WDR11: variants seen among roughly 807,000 people sequenced by gnomAD.
The protein encoded by WDR11 is WD repeat-containing protein 11.
WDR11 carries 83 observed loss-of-function variants against 151.2 expected under a neutral mutation model. That is an observed-to-expected ratio of 0.55 (90% CI 0.46 to 0.66). WDR11 has a LOEUF of 0.66. Ranked by LOEUF, WDR11 falls within the 30% of genes least tolerant of loss-of-function variation. The pLI is 0.00. For synonymous variants in WDR11, 484 were observed against 533.1 expected (o/e 0.91, Z 1.27); for missense variants, 1,301 against 1,480.9 (o/e 0.88, Z 1.99).
intron 5 of WDR11, 38 bp from the exon 6 acceptor site, chr10:120,865,009 T>A (rs1846263374): frequency 6.2e-7 from 1 of 1,606,044 alleles, no homozygotes; most frequent in African/African-American, 1.3e-5. Context: ...CTGATATAAA[T>A]GAAGTCTTTG....
chr10:120,866,539 T>C (rs1467838347), intron 7 of WDR11, 30 bp from the exon 8 acceptor site: 2 of 1,613,556 alleles, frequency 1.2e-6, no homozygotes, highest in Non-Finnish European at 1.7e-6. Flanking sequence ...TATGGCTGCT[T>C]TCTGATATTT....
At chr10:120,852,754 C>A in intron 2 of WDR11, 119 bp downstream of exon 2, 1 of 860,570 alleles carries the variant, frequency 1.2e-6, no homozygotes, top group Non-Finnish European at 1.9e-6. Flanking sequence ...AATATAACAA[C>A]CTATTTGGGG....
At position 120,905,475 on chromosome 10, in the gene WDR11, T is replaced by C. The variant is rs1848003040; in HGVS notation, c.3291+59T>C. ...ACATTCGGGATAGAAAGCTCAGTCCTGAACTTTGGACTTATGACTTAGAAA... is the reference window on the plus strand; with the variant it reads ...ACATTCGGGATAGAAAGCTCAGTCCCGAACTTTGGACTTATGACTTAGAAA... On this transcript the variant is annotated intron_variant, in intron 26 of 28. Transcript: ENST00000263461. The C allele has an allele frequency of 5.7e-6, 9 of 1,574,062 alleles. No homozygotes were observed. The African/African-American group carries it at 6.7e-5, about 12-fold the overall frequency.
chr10:120,863,513 A>T (rs1846208931), intron 5 of WDR11, among the ~76,000 whole-genome samples: 1 of 152,248 alleles, frequency 6.6e-6, no homozygotes, highest in South Asian at 2.1e-4. Context: ...TAAGTAAAGC[A>T]TGTAATGTCA....
rs536326945 is a variant in WDR11, at chr10:120,873,821, A to C, written c.1472-18A>C. ...ACTCCCACTGAATTAATGCTCTTCC[A>C]TGATGTCATTTTGAAAGGTACAAGT... On this transcript the variant is annotated intron_variant, in intron 10 of 28. Coordinates refer to ENST00000263461, the MANE Select transcript of WDR11 (RefSeq NM_018117.12). 2.9e-4 allele frequency: 455 copies of C among 1,577,666 alleles called. 6 individuals carry two copies. The South Asian group carries it at 4.8e-3, about 17-fold the overall frequency.
chr10:120,858,437 A>G (rs1416786707), intron 2 of WDR11, among the ~76,000 whole-genome samples: 2 of 152,242 alleles, frequency 1.3e-5, no homozygotes, highest in Non-Finnish European at 2.9e-5. Context: ...GATGTGTCAA[A>G]GAAAACAATT....
At chr10:120,877,479 C>T (rs371740391) in intron 11 of WDR11, among the ~76,000 whole-genome samples, 2 of 152,078 alleles carry the variant, frequency 1.3e-5, no homozygotes, top group East Asian at 3.9e-4. Context: ...ATTAGCTGGG[C>T]GTGGTAGCAT....
intron 6 of WDR11, 132 bp downstream of exon 6, chr10:120,865,344 A>T: frequency 2.1e-6 from 2 of 959,168 alleles, no homozygotes; most frequent in South Asian, 1.6e-5. Flanking sequence ...GACTAGCAAC[A>T]CTATTTTAGA....
intron 6 of WDR11, 84 bp downstream of exon 6, chr10:120,865,296 T>G: frequency 7.5e-7 from 1 of 1,336,104 alleles, no homozygotes; most frequent in Non-Finnish European, 1.1e-6. Flanking sequence ...ATAAGTCTTG[T>G]CTTCAGTTCT....
At chr10:120,883,751 G>T in intron 13 of WDR11, 29 bp from the exon 14 acceptor site, 1 of 1,606,920 alleles carries the variant, frequency 6.2e-7, no homozygotes, top group Non-Finnish European at 8.5e-7. Flanking sequence ...TGCAAAAAGG[G>T]GCTTATTTAG....
rs57320335 is a variant in WDR11, at chr10:120,874,198, TG to T, written c.1556+276del. On this transcript the variant is annotated intron_variant, in intron 11 of 28. Coordinates refer to ENST00000263461, the MANE Select transcript of WDR11 (RefSeq NM_018117.12). ...GCAGTTTTTTTTTTTTTTTTGTTGT[TG>T]TTGTTGTTGTTTGTTTTGTTTTGTT... 2.3e-3 allele frequency among the ~76,000 whole-genome samples: 224 copies of T among 98,356 alleles called. 3 individuals are homozygous for T. Among genetic ancestry groups the T allele is most frequent in the Middle Eastern group, 5.5e-3 (1 of 182 alleles). The allele number at this position is 98,356 out of a possible 152,430, so 64.5% of individuals were successfully genotyped here.
intron 17 of WDR11, 21 bp from the exon 18 acceptor site, chr10:120,889,873 GT>G (rs1242632922): frequency 3.9e-6 from 6 of 1,530,336 alleles, no homozygotes; most frequent in South Asian, 2.2e-5. Context: ...TTGTATTGAT[GT>G]TTTTGTTTCT....
chr10:120,893,867 T>G lies in WDR11; in HGVS notation c.2515+2980T>G, dbSNP rs530046468. Among the ~76,000 whole-genome samples, 34 of 151,490 alleles carry G rather than the reference T, an allele frequency of 2.2e-4. No homozygotes were observed. The East Asian group carries it at 6.4e-3, about 29-fold the overall frequency. On this transcript the variant is annotated intron_variant, in intron 19 of 28. Coordinates refer to ENST00000263461, the MANE Select transcript of WDR11 (RefSeq NM_018117.12). Reference sequence around the variant, plus strand: ...GCCCACTTTTTGATGGGGTTGTTTGTTTTTTTCTTGTAAATTTGTTTGAGT... The same window carrying G: ...GCCCACTTTTTGATGGGGTTGTTTGGTTTTTTCTTGTAAATTTGTTTGAGT...
chr10:120,901,884 C>A (rs2133810892), intron 21 of WDR11, among the ~76,000 whole-genome samples: 1 of 152,294 alleles, frequency 6.6e-6, no homozygotes, highest in East Asian at 1.9e-4. Flanking sequence ...GGAATAGTTT[C>A]AGAATAAATT....
intron 18 of WDR11, 57 bp downstream of exon 18, chr10:120,890,066 C>A: frequency 1.6e-6 from 2 of 1,274,812 alleles, no homozygotes; most frequent in South Asian, 1.2e-5. Flanking sequence ...AGGAACTGTG[C>A]TTTGTTAAAA....
At chr10:120,863,609 T>G (rs942793259) in intron 5 of WDR11, among the ~76,000 whole-genome samples, 2 of 152,222 alleles carry the variant, frequency 1.3e-5, no homozygotes, top group African/African-American at 4.8e-5. Context: ...TAATTTGATG[T>G]ATTCAAAATA....
Position 120,893,509 on chromosome 10 carries a change from T to C in WDR11, c.2515+2622T>C, listed in dbSNP as rs1402749003. ...TGTGTCTTTATAGTAGCATGATTTA[T>C]AATCCTTTGGGTATATACCCAGTAA... On this transcript the variant is annotated intron_variant, in intron 19 of 28. Transcript: ENST00000263461. Among the ~76,000 whole-genome samples the C allele has an allele frequency of 2.0e-5, 3 of 152,076 alleles. No individual in the cohort carries two copies. In the East Asian group the frequency reaches 5.8e-4, roughly 29 times the overall value.
At position 120,909,078 on chromosome 10, in the gene WDR11, T is replaced by G. The variant is rs949293057; in HGVS notation, c.*365T>G. On this transcript the variant is annotated 3_prime_UTR_variant, in exon 29 of 29. Transcript: ENST00000263461. ...GTAAAGATTATTGAGAAACCTATAG[T>G]AAATGAAATTTGTGAGATGTTTTCT... 3.6e-6 allele frequency: 1 copy of G among 277,598 alleles called. No homozygotes were observed. Among genetic ancestry groups the G allele is most frequent in the Admixed American group, 4.9e-5 (1 of 20,288 alleles). The allele number at this position is 277,598 out of a possible 1,614,324, so 17.2% of individuals were successfully genotyped here.
intron 7 of WDR11, among the ~76,000 whole-genome samples, 189 bp from the exon 8 acceptor site, chr10:120,866,380 T>G (rs1369703911): frequency 2.0e-5 from 3 of 152,188 alleles, no homozygotes; most frequent in Non-Finnish European, 4.4e-5. Context: ...AAATTAAACT[T>G]AGTACAGTCA....
Sources: gnomAD v4.1 joint callset for allele counts (sites outside exome capture counted in the v4.1 genomes callset) on GRCh38, gnomAD v4.1.1 for gene constraint, MANE v1.5 for transcripts, NCBI Gene and HGNC (gene_info 2026-07-23, HGNC 2026-07-21) for gene names.